COL5A2: variants seen among roughly 807,000 people sequenced by gnomAD.
The protein encoded by COL5A2 is collagen alpha-2(V) chain.
In COL5A2, 23 loss-of-function variants were observed where a neutral mutation model predicts 208.2. That is an observed-to-expected ratio of 0.11 (90% CI 0.08 to 0.16). The LOEUF (loss-of-function observed/expected upper bound fraction) is 0.16. Ranked by LOEUF, COL5A2 falls within the 10% of genes least tolerant of loss-of-function variation. The pLI is 1.00. For synonymous variants in COL5A2, 625 were observed against 628.5 expected (o/e 0.99, Z 0.08); for missense variants, 1,590 against 1,956.4 (o/e 0.81, Z 3.53).
chr2:189,174,546 G>A (rs983389636), intron 1 of COL5A2, among the ~76,000 whole-genome samples: 1 of 152,180 alleles, frequency 6.6e-6, no homozygotes. Context: ...AAGATTCAGA[G>A]TGTCAGTCAA....
chr2:189,400,771 G>T, the COL5A2 span, among the ~76,000 whole-genome samples: 1 of 152,076 alleles, frequency 6.6e-6, no homozygotes, highest in Admixed American at 6.6e-5. Context: ...ATGTTCTGAG[G>T]AACAATGATT....
chr2:189,389,095 C>A, the COL5A2 span, among the ~76,000 whole-genome samples: 3 of 151,870 alleles, frequency 2.0e-5, no homozygotes, highest in Non-Finnish European at 2.9e-5. Flanking sequence ...TTTTGATAGC[C>A]AATTTTATTT....
chr2:189,048,674 G>C (rs758757480), intron 44 of COL5A2, among the ~76,000 whole-genome samples: 5 of 152,006 alleles, frequency 3.3e-5, no homozygotes, highest in Non-Finnish European at 5.9e-5. Context: ...TTAAGAAATA[G>C]TCTTCCTTTT....
At chr2:189,184,806 T>A (rs1193526684), upstream of COL5A2, among the ~76,000 whole-genome samples, 3 of 152,118 alleles carry the variant, frequency 2.0e-5, no homozygotes, top group Non-Finnish European at 4.4e-5. Flanking sequence ...CGTGAGTGCA[T>A]CTTTGGGGGC....
chr2:189,186,507 T>A (rs1389846022), intron 1 of COL5A2, among the ~76,000 whole-genome samples: 1 of 152,194 alleles, frequency 6.6e-6, no homozygotes, highest in African/African-American at 2.4e-5. Context: ...GCTACTTTTT[T>A]TCGTATTCTA....
intron 1 of COL5A2, among the ~76,000 whole-genome samples, chr2:189,220,134 T>C (rs1689329356): frequency 6.6e-6 from 1 of 152,146 alleles, no homozygotes; most frequent in African/African-American, 2.4e-5. Context: ...AGAGACACTC[T>C]GCAGCTGAGG....
the COL5A2 span, among the ~76,000 whole-genome samples, chr2:189,291,857 C>A: frequency 6.6e-6 from 1 of 151,554 alleles, no homozygotes; most frequent in African/African-American, 2.4e-5. Context: ...TAGGATTATA[C>A]TGAAAATGTA....
chr2:189,116,199 G>C (rs761039374), intron 1 of COL5A2, among the ~76,000 whole-genome samples: 3 of 152,202 alleles, frequency 2.0e-5, no homozygotes, highest in Non-Finnish European at 4.4e-5. Flanking sequence ...GAAGTGGAGA[G>C]AGAATGCCTT....
chr2:189,332,585 GAGAGGAGTTTCCCTAC>G, the COL5A2 span, among the ~76,000 whole-genome samples: 2 of 151,916 alleles, frequency 1.3e-5, no homozygotes, highest in Admixed American at 1.3e-4. Context: ...GGTTTTTATA[GAGAGGAGTTTCCCTAC>G]ACAAGCTCCC....
At chr2:189,434,497 T>C in the COL5A2 span, among the ~76,000 whole-genome samples, 4 of 152,134 alleles carry the variant, frequency 2.6e-5, no homozygotes, top group African/African-American at 7.2e-5. Context: ...GGATACAAAA[T>C]CAATGTGCAA....
At position 189,222,937 on chromosome 2, in the gene COL5A2, G is replaced by A. The variant is rs555413483; in HGVS notation, c.-42+2211C>T. On this transcript the variant is annotated intron_variant, in intron 1 of 10. Coordinates refer to the COL5A2 transcript ENST00000649966. The stretch of plus-strand genomic sequence containing the variant: ...ATATGAGGCTAATCTAGTCTCTTAC[G>A]GTGAGAAATTCTCATTCACCCAGTG... Among the ~76,000 whole-genome samples, 62 of 152,132 alleles carry A rather than the reference G, an allele frequency of 4.1e-4. 1 individual carries two copies. The highest frequency in any genetic ancestry group is 9.2e-4 in the African/African-American group (38 of 41,514).
At chr2:189,231,912 G>A in the COL5A2 span, among the ~76,000 whole-genome samples, 2 of 151,662 alleles carry the variant, frequency 1.3e-5, no homozygotes, top group Non-Finnish European at 2.9e-5. Flanking sequence ...AGGTGGAGAG[G>A]AGTTTGTTGG....
the COL5A2 span, among the ~76,000 whole-genome samples, chr2:189,365,777 G>T: frequency 6.6e-6 from 1 of 152,176 alleles, no homozygotes; most frequent in Non-Finnish European, 1.5e-5. Context: ...CATTATTTAG[G>T]ATATATGGAT....
chr2:189,298,486 G>A, the COL5A2 span, among the ~76,000 whole-genome samples: 1 of 152,164 alleles, frequency 6.6e-6, no homozygotes, highest in East Asian at 1.9e-4. Flanking sequence ...AAGAAGCTAA[G>A]TAGGGTGGCC....
chr2:189,236,727 T>G, the COL5A2 span, among the ~76,000 whole-genome samples: 2 of 151,880 alleles, frequency 1.3e-5, no homozygotes, highest in Non-Finnish European at 2.9e-5. Context: ...ATTTTCTTAC[T>G]GATGTGCAAG....
the COL5A2 span, among the ~76,000 whole-genome samples, chr2:189,330,042 A>C: frequency 6.6e-6 from 1 of 152,354 alleles, no homozygotes; most frequent in African/African-American, 2.4e-5. Context: ...AACTTTTAAC[A>C]GTACTGTGTG....
chr2:189,331,202 T>TAGCA, the COL5A2 span, among the ~76,000 whole-genome samples: 1 of 152,036 alleles, frequency 6.6e-6, no homozygotes, highest in African/African-American at 2.4e-5. Flanking sequence ...GCAGATTGAA[T>TAGCA]GTGGGAAGGA....
At chr2:189,129,831 G>A (rs1228385542) in intron 1 of COL5A2, among the ~76,000 whole-genome samples, 2 of 152,010 alleles carry the variant, frequency 1.3e-5, no homozygotes, top group African/African-American at 4.8e-5. Context: ...TAAAGTTTAT[G>A]CCCTCATGTG....
At chr2:189,202,411 C>T (rs750727819) in intron 1 of COL5A2, among the ~76,000 whole-genome samples, 1 of 152,014 alleles carries the variant, frequency 6.6e-6, no homozygotes, top group African/African-American at 2.4e-5. Flanking sequence ...TGAGAAAAGA[C>T]AGGAGTTGGA....
Sources: gnomAD v4.1 joint callset for allele counts (sites outside exome capture counted in the v4.1 genomes callset) on GRCh38, gnomAD v4.1.1 for gene constraint, MANE v1.5 for transcripts, NCBI Gene and HGNC (gene_info 2026-07-23, HGNC 2026-07-21) for gene names.